The following FAM76B variants were observed in gnomAD, a reference collection of about 807,000 sequenced individuals.
FAM76B encodes protein FAM76B.
A neutral mutation model predicts 51.8 loss-of-function variants in FAM76B; 16 were observed. That is an observed-to-expected ratio of 0.31 (90% CI 0.21 to 0.47). The LOEUF is 0.47. FAM76B is among the 20% of genes least tolerant of loss of function. FAM76B has a pLI of 1.00. For missense variants in FAM76B, 342 were observed against 392.6 expected (o/e 0.87, Z 1.09); for synonymous variants, 166 against 129.5 (o/e 1.28, Z -1.91).
rs1303093615 is a variant in FAM76B at position 95,786,207 on chromosome 11, T to A, written c.275A>T (p.Asn92Ile). The A allele has an allele frequency of 1.2e-6, 2 of 1,614,058 alleles. No homozygotes were observed. Among genetic ancestry groups the A allele is most frequent in the South Asian group, 2.2e-5 (2 of 91,084 alleles). The change falls in exon 4 of 10, where the codon AAT becomes ATT. Residue 92 changes from asparagine (N) to isoleucine (I), a missense_variant. Transcript: ENST00000358780. ...AGGTGGTCCATACTTTTTTTCTGAA[T>A]TTGTGCAACGCTGACACTTGGTACC... is the stretch of plus-strand genomic sequence containing the variant. ...FIGTKCQRCT[N>I]SEKKYGPPQT...
chr11:95,779,010 G>C, intron 7 of FAM76B, 53 bp from the exon 8 acceptor site: 2 of 1,599,346 alleles, frequency 1.3e-6, no homozygotes, highest in Non-Finnish European at 1.7e-6. Context: ...AAAATTAGCA[G>C]GTGTTCAAAT....
At position 95,782,991 on chromosome 11, in the gene FAM76B, C is replaced by T. The variant is rs973845055; in HGVS notation, c.563+74G>A. On this transcript the variant is annotated intron_variant, in intron 5 of 9. Coordinates refer to ENST00000358780, the MANE Select transcript of FAM76B (RefSeq NM_144664.5). The stretch of plus-strand genomic sequence containing the variant: ...TAGACTAGCACATAGTCAATATTTG[C>T]AAGAAGTAAACATCAATAAATGGCA... 3.2e-5 allele frequency: 50 copies of T among 1,565,662 alleles called. No homozygotes were observed. The Admixed American group carries it at 7.9e-4, about 25-fold the overall frequency.
intron 2 of FAM76B, 89 bp downstream of exon 2, chr11:95,788,402 TAAAAATAC>T: frequency 1.9e-6 from 2 of 1,030,990 alleles, no homozygotes. Flanking sequence ...AACCATTTTT[TAAAAATAC>T]TTTCATAAAA....
intron 2 of FAM76B, among the ~76,000 whole-genome samples, 198 bp from the exon 3 acceptor site, chr11:95,787,876 T>C (rs1174811376): frequency 5.3e-5 from 8 of 152,240 alleles, no homozygotes; most frequent in African/African-American, 7.2e-5. Context: ...TACATTTTTA[T>C]TGCATATTAC....
chr11:95,778,949 A>G lies in FAM76B; in HGVS notation c.701T>C (p.Ile234Thr). 1 of 1,607,372 alleles carries G rather than the reference A, an allele frequency of 6.2e-7. No individual in the cohort carries two copies. ...SKPSNGDSSS[I>T]NQSADSGGTD... ...TCCCCCACTATCTGCTGACTGATTT[A>G]TAGAGCTACTAAAAAGAAAAAAGTA... Residue 234 changes from isoleucine (I) to threonine (T), a missense_variant, in exon 8 of 10, where the codon ATA becomes ACA. Coordinates refer to ENST00000358780, the MANE Select transcript of FAM76B (RefSeq NM_144664.5).
chr11:95,774,530 T>C lies in FAM76B; in HGVS notation c.930+1392A>G, dbSNP rs148109087. On this transcript the variant is annotated intron_variant, in intron 9 of 9. Transcript: ENST00000358780. ...ATATCTGAGCACCTATTGCAGTTAT[T>C]CTGTTATCTCATTCTGGATTTACTT... is the stretch of plus-strand genomic sequence containing the variant. 3.3e-5 allele frequency among the ~76,000 whole-genome samples: 5 copies of C among 151,582 alleles called. No individual in the cohort carries two copies. In the East Asian group the frequency reaches 9.7e-4, roughly 29 times the overall value.
chr11:95,779,744 AT>A (rs775519494), intron 6 of FAM76B, 57 bp from the exon 7 acceptor site: 59 of 1,583,290 alleles, frequency 3.7e-5, no homozygotes, highest in Non-Finnish European at 4.7e-5. Context: ...AAACCAAATG[AT>A]AAGTTATTCA....
rs543162251 is a variant in FAM76B at position 95,786,041 on chromosome 11, G to A, written c.363+78C>T. ...CTAAAGAATAGATCCAGTCTCAGTA[G>A]TGTATTAATTATAATTTCCAACTTG... On this transcript the variant is annotated intron_variant, in intron 4 of 9. Transcript: ENST00000358780. The A allele has an allele frequency of 6.6e-5, 100 of 1,518,242 alleles. 1 individual carries two copies. The highest frequency in any genetic ancestry group is 1.8e-4 in the Middle Eastern group (1 of 5,666). The allele number at this position is 1,518,242 out of a possible 1,614,324, so 94.0% of individuals were successfully genotyped here.
In FAM76B at chr11:95,783,081, T is replaced by C. The variant is rs781564933; in HGVS notation, c.547A>G (p.Ser183Gly). The C allele has an allele frequency of 6.2e-7, 1 of 1,613,858 alleles. No homozygotes were observed. Among genetic ancestry groups the C allele is most frequent in the East Asian group, 2.2e-5 (1 of 44,870 alleles). Residue 183 changes from serine (S) to glycine (G), a missense_variant, in exon 5 of 10, where the codon AGC (serine) becomes GGC (glycine). Physicochemically the swap from Ser to Gly is moderately conservative, Grantham distance 56. This residue lies in a region of FAM76B where 230 missense variants were observed against 257.4 expected (regional missense o/e 0.89). Coordinates refer to ENST00000358780, the MANE Select transcript of FAM76B (RefSeq NM_144664.5). Reference sequence around the variant, plus strand: ...AGTACTTACTTGTGATGGCTACTGCTGTGACGATGGTGATGGTGATGATGG... The same window carrying C: ...AGTACTTACTTGTGATGGCTACTGCCGTGACGATGGTGATGGTGATGATGG... ...HHHHHHHHRH[S>G]SSHHKISNLS...
chr11:95,782,297 G>A (rs575367396), intron 5 of FAM76B, among the ~76,000 whole-genome samples: 1 of 152,116 alleles, frequency 6.6e-6, no homozygotes, highest in East Asian at 1.9e-4. Context: ...AAATGTATGG[G>A]ACCACCTATA....
rs184833612 is a variant in FAM76B, at chr11:95,772,081, T to C, written c.931-431A>G. 2.8e-3 allele frequency among the ~76,000 whole-genome samples: 420 copies of C among 151,230 alleles called. 1 individual carries two copies. Among genetic ancestry groups the C allele is most frequent in the Admixed American group, 7.5e-3 (113 of 15,130 alleles). ...GGGAGGAGTATTTCCTGGCAAGCTG[T>C]ATAAGGTCTTTTTTCTATGTTTACT... On this transcript the variant is annotated intron_variant, in intron 9 of 9. Transcript: ENST00000358780.
Position 95,786,318 on chromosome 11 carries a change from T to C in FAM76B, c.208-44A>G, listed in dbSNP as rs763336275. On this transcript the variant is annotated intron_variant, in intron 3 of 9. Transcript: ENST00000358780. ...TTGAGACTTTTAAAAACATTAAATA[T>C]TTGCGGCATAGCATATACCCAGTGT... The C allele has an allele frequency of 2.5e-6, 4 of 1,606,838 alleles. No individual in the cohort carries two copies. The East Asian group carries it at 8.9e-5, about 36-fold the overall frequency.
chr11:95,788,972 C>CA (rs1398582576), intron 1 of FAM76B: 1 of 1,347,538 alleles, frequency 7.4e-7, no homozygotes, highest in Non-Finnish European at 9.7e-7. Context: ...AGGATGCCAT[C>CA]AGCTTTGCGG....
Position 95,789,488 on chromosome 11 carries a change from C to G in FAM76B, c.-10G>C. 1 of 1,596,056 alleles carries G rather than the reference C, an allele frequency of 6.3e-7. No individual in the cohort carries two copies. The highest frequency in any genetic ancestry group is 8.5e-7 in the Non-Finnish European group (1 of 1,171,898). ...GGGCCGAGGCCGCCATCCTGCTCCT[C>G]AGTCTCCTCCTCCGCCGCCGCCCGC... is the stretch of plus-strand genomic sequence containing the variant. On this transcript the variant is annotated 5_prime_UTR_variant, in exon 1 of 10. Transcript: ENST00000358780.
chr11:95,783,017 T>C (rs750351100), intron 5 of FAM76B, 48 bp downstream of exon 5: 3 of 1,602,266 alleles, frequency 1.9e-6, no homozygotes, highest in South Asian at 1.1e-5. Flanking sequence ...ATAAATGGCA[T>C]TAAAATGCAA....
Position 95,768,975 on chromosome 11 carries a change from T to G in FAM76B, c.*2586A>C, listed in dbSNP as rs1129081. On this transcript the variant is annotated 3_prime_UTR_variant, in exon 10 of 10. Coordinates refer to ENST00000358780, the MANE Select transcript of FAM76B (RefSeq NM_144664.5). ...AAAGCCTTTGACAAGTTTTTTATTG[T>G]GAAATATTGGATCTAGAAAAAAGTA... 1 of 152,408 alleles carries G rather than the reference T, an allele frequency of 6.6e-6. No individual in the cohort carries two copies. Among genetic ancestry groups the G allele is most frequent in the East Asian group, 1.9e-4 (1 of 5,196 alleles). The allele number at this position is 152,408 out of a possible 1,614,324, so 9.4% of individuals were successfully genotyped here. A position where few individuals can be genotyped will look rare whatever the true frequency, so the allele number is the denominator to read the frequency against.
intron 8 of FAM76B, 21 bp from the exon 9 acceptor site, chr11:95,776,044 T>C (rs1174071605): frequency 7.0e-7 from 1 of 1,434,894 alleles, no homozygotes; most frequent in East Asian, 2.4e-5. Flanking sequence ...AAAGAAAAAA[T>C]ATATGTATAT....
chr11:95,787,040 A>G (rs1055641204), intron 3 of FAM76B, among the ~76,000 whole-genome samples: 10 of 152,188 alleles, frequency 6.6e-5, no homozygotes, highest in African/African-American at 2.2e-4. Context: ...AACTTTATGG[A>G]TAAGTTCTCC....
chr11:95,789,132 T>TGA (rs1480605932), intron 1 of FAM76B: 24 of 1,308,024 alleles, frequency 1.8e-5, no homozygotes, highest in Non-Finnish European at 2.3e-5. Context: ...ACCCCACTCC[T>TGA]GAGACCCCCA....
Sources: gnomAD v4.1 joint callset for allele counts (sites outside exome capture counted in the v4.1 genomes callset) on GRCh38, gnomAD v4.1.1 for gene constraint, gnomAD v4.1.1 regional missense constraint, MANE v1.5 for transcripts, NCBI Gene and HGNC (gene_info 2026-07-23, HGNC 2026-07-21) for gene names.